The following SECISBP2L variants were observed in gnomAD, a reference collection of about 807,000 sequenced individuals.
The protein encoded by SECISBP2L is selenocysteine insertion sequence-binding protein 2-like.
Under a neutral mutation model 114.7 loss-of-function variants are expected in SECISBP2L, and 43 were observed. That is an observed-to-expected ratio of 0.38 (90% CI 0.29 to 0.48). The LOEUF (loss-of-function observed/expected upper bound fraction) is 0.48. Among genes scored for constraint, SECISBP2L ranks in the 20% least tolerant of loss-of-function variants. SECISBP2L has a pLI of 0.98. For synonymous variants in SECISBP2L, 451 were observed against 439.7 expected, an observed-to-expected ratio of 1.03 and a Z score of -0.32; for missense variants, 1,136 against 1,301.1, an observed-to-expected ratio of 0.87 and a Z score of 1.95.
chr15:49,032,598 G>C (rs1487310224), intron 4 of SECISBP2L, among the ~76,000 whole-genome samples: 1 of 152,112 alleles, frequency 6.6e-6, no homozygotes, highest in Non-Finnish European at 1.5e-5. Context: ...TAGGATATTA[G>C]GATGTTTTAT....
rs1193417533 is a variant in SECISBP2L at position 48,989,048 on chromosome 15, A to C, written c.*3196T>G. The C allele has an allele frequency of 1.3e-5, 2 of 152,706 alleles. No individual in the cohort carries two copies. The highest frequency in any genetic ancestry group is 4.8e-5 in the African/African-American group (2 of 41,458). The allele number at this position is 152,706 out of a possible 1,614,324, so 9.5% of individuals were successfully genotyped here. A position where few individuals can be genotyped will look rare whatever the true frequency, so the allele number is the denominator to read the frequency against. On this transcript the variant is annotated 3_prime_UTR_variant, in exon 18 of 18. Transcript: ENST00000559471. The stretch of plus-strand genomic sequence containing the variant: ...TAAATTATTTCACAGAATTTTTTTA[A>C]ATCAAAAAAAGATAAAAATTTTTAA...
intron 11 of SECISBP2L, among the ~76,000 whole-genome samples, chr15:49,015,476 TTCTG>T (rs947748591): frequency 6.6e-6 from 1 of 152,180 alleles, no homozygotes; most frequent in Non-Finnish European, 1.5e-5. Flanking sequence ...TAATTTATCT[TTCTG>T]TCTAATAAGT....
At chr15:49,016,022 T>C (rs1362550162) in intron 11 of SECISBP2L, among the ~76,000 whole-genome samples, 2 of 151,986 alleles carry the variant, frequency 1.3e-5, no homozygotes, top group East Asian at 3.9e-4. Flanking sequence ...TAGAGCAGAG[T>C]GTGTTAGGAG....
At chr15:49,015,355 CTATTTGTAA>C (rs1192645323) in intron 11 of SECISBP2L, among the ~76,000 whole-genome samples, 1 of 152,108 alleles carries the variant, frequency 6.6e-6, no homozygotes, top group Non-Finnish European at 1.5e-5. Context: ...ACATTCAGTA[CTATTTGTAA>C]TAATAGTTAT....
At chr15:49,013,538 G>A (rs1039612683) in intron 11 of SECISBP2L, among the ~76,000 whole-genome samples, 4 of 152,080 alleles carry the variant, frequency 2.6e-5, no homozygotes, top group Non-Finnish European at 5.9e-5. Context: ...CTTGTGATCC[G>A]CCCACGCTGG....
chr15:49,034,669 G>GTTGTTT (rs1555387328), intron 3 of SECISBP2L, among the ~76,000 whole-genome samples: 2 of 132,136 alleles, frequency 1.5e-5, no homozygotes, highest in East Asian at 2.2e-4. Context: ...TATATCTTTT[G>GTTGTTT]TTTTTTTTTT....
In SECISBP2L at chr15:49,028,151, C is replaced by A; in HGVS notation, c.912G>T (p.Met304Ile). The A allele has an allele frequency of 6.3e-7, 1 of 1,581,004 alleles. No homozygotes were observed. The highest frequency in any genetic ancestry group is 8.6e-7 in the Non-Finnish European group (1 of 1,162,450). The change falls in exon 6 of 18, where the codon ATG (methionine) becomes ATT (isoleucine). Residue 304 changes from methionine (M) to isoleucine (I), a missense_variant. Met to Ile is a conservative substitution (Grantham distance 10). Transcript: ENST00000559471. Reference protein sequence around the residue: ...SGTMNHVESSMCAGGVNWSNV... With the variant: ...SGTMNHVESSICAGGVNWSNV... ...AATGCAGAAAACAAGTACCTGCACACATAGATGATTCCACATGCTAAAAAA... is the reference window on the plus strand; with the variant it reads ...AATGCAGAAAACAAGTACCTGCACAAATAGATGATTCCACATGCTAAAAAA...
chr15:49,014,954 G>T (rs1328256675), intron 11 of SECISBP2L, among the ~76,000 whole-genome samples: 2 of 151,522 alleles, frequency 1.3e-5, no homozygotes, highest in African/African-American at 4.8e-5. Context: ...ATTAATTGAA[G>T]TTGTAACAAT....
At position 48,990,188 on chromosome 15, in the gene SECISBP2L, T is replaced by C. The variant is rs1466344240; in HGVS notation, c.*2056A>G. Reference sequence around the variant, plus strand: ...AATGACAATTCATGTTCAGAAGAGATATAAAATATAAGAAACCTGTGAAAA... The same window carrying C: ...AATGACAATTCATGTTCAGAAGAGACATAAAATATAAGAAACCTGTGAAAA... On this transcript the variant is annotated 3_prime_UTR_variant, in exon 18 of 18. Transcript: ENST00000559471. 1 of 152,628 alleles carries C rather than the reference T, an allele frequency of 6.6e-6. No individual in the cohort carries two copies. Among genetic ancestry groups the C allele is most frequent in the African/African-American group, 2.4e-5 (1 of 41,458 alleles). The allele number at this position is 152,628 out of a possible 1,614,324, so 9.5% of individuals were successfully genotyped here. A position where few individuals can be genotyped will look rare whatever the true frequency, so the allele number is the denominator to read the frequency against.
chr15:49,022,209 C>T (rs1256607790), intron 7 of SECISBP2L, among the ~76,000 whole-genome samples: 4 of 152,236 alleles, frequency 2.6e-5, no homozygotes, highest in South Asian at 4.2e-4. Context: ...CCTCAAACTC[C>T]TGGGCTCAAG....
intron 3 of SECISBP2L, among the ~76,000 whole-genome samples, chr15:49,033,578 C>G (rs1021883844): frequency 6.6e-6 from 1 of 151,952 alleles, no homozygotes; most frequent in Non-Finnish European, 1.5e-5. Context: ...TGGTTCACAC[C>G]TATAATCCCA....
chr15:49,022,472 A>C (rs1378291779), intron 7 of SECISBP2L, among the ~76,000 whole-genome samples: 2 of 152,058 alleles, frequency 1.3e-5, no homozygotes, highest in Non-Finnish European at 2.9e-5. Flanking sequence ...GGTAGCAGGC[A>C]CCTGTAATCT....
At chr15:48,997,553 T>C (rs12592869) in intron 16 of SECISBP2L, among the ~76,000 whole-genome samples, 23,778 of 152,154 alleles carry the variant, frequency 0.16, 2,835 homozygotes, top group African/African-American at 0.34. Context: ...CGTGAAGTGG[T>C]AGGTACACTG....
chr15:49,021,221 T>A (rs532881518), intron 7 of SECISBP2L, among the ~76,000 whole-genome samples: 2 of 152,186 alleles, frequency 1.3e-5, no homozygotes, highest in South Asian at 2.1e-4. Context: ...GACATCGAAT[T>A]TGCCAGTGCC....
In SECISBP2L at chr15:49,033,106, T is replaced by TA; in HGVS notation, c.529-7_529-6insT. ...TGCTGTTGTAAAAGCTGTTGCTGATTTAAAAAAAAAACAAAAAAACAAAAA... is the reference window on the plus strand; with the variant it reads ...TGCTGTTGTAAAAGCTGTTGCTGATTATAAAAAAAAAACAAAAAAACAAAAA... On this transcript the variant is annotated splice_polypyrimidine_tract_variant and splice_region_variant and intron_variant, in intron 3 of 17. Transcript: ENST00000559471. 5 of 1,601,218 alleles carry TA rather than the reference T, an allele frequency of 3.1e-6. No individual in the cohort carries two copies. The highest frequency in any genetic ancestry group is 1.8e-5 in the Admixed American group (1 of 56,808).
intron 3 of SECISBP2L, among the ~76,000 whole-genome samples, chr15:49,034,433 T>A (rs1273044735): frequency 6.6e-6 from 1 of 151,908 alleles, no homozygotes; most frequent in African/African-American, 2.4e-5. Flanking sequence ...TTTTTTTTTT[T>A]ACTTAGTCAA....
At chr15:48,999,295 C>T (rs369483834) in intron 16 of SECISBP2L, among the ~76,000 whole-genome samples, 1 of 150,674 alleles carries the variant, frequency 6.6e-6, no homozygotes, top group Admixed American at 6.7e-5. Context: ...ATGAGCATTA[C>T]TCTAAATTGA....
rs1308447789 is a variant in SECISBP2L, at chr15:49,046,435, G to C, written c.-136C>G. The C allele has an allele frequency of 7.1e-6, 7 of 982,366 alleles. No homozygotes were observed. The South Asian group carries it at 1.3e-4, about 18-fold the overall frequency. The allele number at this position is 982,366 out of a possible 1,614,324, so 60.9% of individuals were successfully genotyped here. ...ATCTGGCTGGCCGCGACACCGATTC[G>C]GCTACGCCACTGGCCGAGGAGGCGG... On this transcript the variant is annotated 5_prime_UTR_variant, in exon 1 of 18. Coordinates refer to ENST00000559471, the MANE Select transcript of SECISBP2L (RefSeq NM_001193489.2).
chr15:49,009,090 G>C, intron 14 of SECISBP2L, 126 bp downstream of exon 14: 1 of 997,412 alleles, frequency 1.0e-6, no homozygotes, highest in Non-Finnish European at 1.5e-6. Flanking sequence ...AACAAAATCC[G>C]AAAGGAGTTA....
Sources: allele counts gnomAD v4.1 joint callset (sites outside exome capture counted in the v4.1 genomes callset), GRCh38; gene constraint gnomAD v4.1.1; transcripts MANE v1.5; gene names NCBI Gene and HGNC (gene_info 2026-07-23, HGNC 2026-07-21).